The following KMO variants were observed in gnomAD, a reference collection of about 807,000 sequenced individuals.
The protein encoded by KMO is kynurenine 3-hydroxylase.
A neutral mutation model predicts 57.8 loss-of-function variants in KMO; 24 were observed. The ratio of observed to expected loss-of-function variants is 0.42; its 90% confidence interval spans 0.30 to 0.58. The LOEUF (loss-of-function observed/expected upper bound fraction) is 0.58. KMO is among the 20% of genes least tolerant of loss of function. The pLI is 0.22. For synonymous variants in KMO, 210 were observed against 193.6 expected, an observed-to-expected ratio of 1.08 and a Z score of -0.70; for missense variants, 483 against 588.2, an observed-to-expected ratio of 0.82 and a Z score of 1.85.
chr1:241,547,459 C>A (rs1369765022), intron 1 of KMO, among the ~76,000 whole-genome samples: 1 of 151,436 alleles, frequency 6.6e-6, no homozygotes, highest in Admixed American at 6.6e-5. Context: ...GATAGGCAAC[C>A]CAATAGAAAA....
chr1:241,575,279 CTTTG>C (rs1323608074), intron 10 of KMO, among the ~76,000 whole-genome samples: 1 of 151,914 alleles, frequency 6.6e-6, no homozygotes, highest in East Asian at 1.9e-4. Flanking sequence ...CTCCTCCGAT[CTTTG>C]TTTATTTCTT....
intron 4 of KMO, among the ~76,000 whole-genome samples, chr1:241,553,504 T>A (rs1337701550): frequency 1.3e-5 from 2 of 152,058 alleles, no homozygotes; most frequent in African/African-American, 2.4e-5. Flanking sequence ...CTGGGCAACA[T>A]GGCAAGACCC....
At chr1:241,576,681 T>A (rs1662531281) in intron 10 of KMO, among the ~76,000 whole-genome samples, 1 of 147,094 alleles carries the variant, frequency 6.8e-6, no homozygotes, top group Non-Finnish European at 1.5e-5. Flanking sequence ...CTCTTAGAAT[T>A]ATTTCCTTCA....
chr1:241,533,337 T>G (rs1447918531), intron 1 of KMO, among the ~76,000 whole-genome samples: 1 of 152,194 alleles, frequency 6.6e-6, no homozygotes, highest in Admixed American at 6.5e-5. Flanking sequence ...ATATATCCAC[T>G]CAACAAAAAA....
Position 241,587,907 on chromosome 1 carries a change from G to C in KMO, c.1016-841G>C, listed in dbSNP as rs532096383. ...TTGTATATTACATATATAAAAGAAG[G>C]CACAAACAACAGCCTAAGAACTGGA... On this transcript the variant is annotated intron_variant, in intron 11 of 14. Coordinates refer to ENST00000366559, the MANE Select transcript of KMO (RefSeq NM_003679.5). Among the ~76,000 whole-genome samples, 9 of 152,204 alleles carry C rather than the reference G, an allele frequency of 5.9e-5. No individual in the cohort carries two copies. In the South Asian group the frequency reaches 8.3e-4, roughly 14 times the overall value.
intron 3 of KMO, 185 bp downstream of exon 3, chr1:241,549,959 C>T: frequency 1.9e-6 from 1 of 527,998 alleles, no homozygotes; most frequent in Non-Finnish European, 3.4e-6. Flanking sequence ...CTCGAGGCAC[C>T]CGAGGAGGAC....
intron 10 of KMO, among the ~76,000 whole-genome samples, chr1:241,575,119 A>G (rs1372270453): frequency 2.0e-5 from 3 of 151,898 alleles, no homozygotes; most frequent in Non-Finnish European, 1.5e-5. Flanking sequence ...TAATGTCTCC[A>G]GTTTCATTTC....
rs532768111 is a variant in KMO at position 241,563,544 on chromosome 1, G to A, written c.615+1212G>A. 2.3e-4 allele frequency among the ~76,000 whole-genome samples: 35 copies of A among 152,150 alleles called. No individual in the cohort carries two copies. The South Asian group carries it at 7.1e-3, about 31-fold the overall frequency. On this transcript the variant is annotated intron_variant, in intron 7 of 14. Transcript: ENST00000366559. ...ATTCGCTAATTTTTTAGTGCTTATTGTACTGGTTTTCAGATAGCTTCTGCT... is the reference window on the plus strand; with the variant it reads ...ATTCGCTAATTTTTTAGTGCTTATTATACTGGTTTTCAGATAGCTTCTGCT...
rs894942359 is a variant in KMO at position 241,562,271 on chromosome 1, A to T, written c.554A>T (p.Tyr185Phe). ...CTGATGAAGAAACCTCGCTTTGATT[A>T]CAGTCAGCAGTACATTCCTCATGGG... ...SHLMKKPRFD[Y>F]SQQYIPHGYM... Residue 185 changes from tyrosine (Y) to phenylalanine (F), a missense_variant, in exon 7 of 15, where the codon TAC (tyrosine) becomes TTC (phenylalanine). Transcript: ENST00000366559. The T allele has an allele frequency of 6.2e-7, 1 of 1,614,098 alleles. No individual in the cohort carries two copies. Among genetic ancestry groups the T allele is most frequent in the Non-Finnish European group, 8.5e-7 (1 of 1,180,028 alleles).
At chr1:241,579,550 C>G (rs950210879) in intron 10 of KMO, among the ~76,000 whole-genome samples, 4 of 152,058 alleles carry the variant, frequency 2.6e-5, no homozygotes, top group African/African-American at 9.7e-5. Flanking sequence ...GTAAGCTCCA[C>G]CCAGCTTCCA....
At chr1:241,575,108 G>T (rs916240562) in intron 10 of KMO, among the ~76,000 whole-genome samples, 2 of 151,842 alleles carry the variant, frequency 1.3e-5, no homozygotes, top group Non-Finnish European at 2.9e-5. Flanking sequence ...GGTGTCCATT[G>T]TAATGTCTCC....
intron 6 of KMO, 89 bp downstream of exon 6, chr1:241,560,841 A>G: frequency 2.4e-6 from 2 of 850,174 alleles, no homozygotes; most frequent in Non-Finnish European, 4.0e-6. Context: ...CTCTTTTGAA[A>G]GAGTTAAAAG....
At chr1:241,549,276 A>AAGTCG (rs1661300993) in intron 2 of KMO, among the ~76,000 whole-genome samples, 1 of 122,266 alleles carries the variant, frequency 8.2e-6, no homozygotes, top group Non-Finnish European at 1.8e-5. Context: ...AAAGGAAGGA[A>AAGTCG]GAAAGAAAGA....
At chr1:241,579,307 G>T (rs1036541877) in intron 10 of KMO, among the ~76,000 whole-genome samples, 1 of 152,034 alleles carries the variant, frequency 6.6e-6, no homozygotes, top group Non-Finnish European at 1.5e-5. Flanking sequence ...TTTCTTACGT[G>T]ATGGGCAGGG....
chr1:241,592,029 C>T lies in KMO; in HGVS notation c.1337C>T (p.Ser446Leu). ...ACCTACCTACTTATACACTACATGT[C>T]ACCACGATCTTTCCTCCGCTTGAGA... ...SSTYLLIHYMSPRSFLRLRRP... is the reference protein window; with the variant it reads ...SSTYLLIHYMLPRSFLRLRRP... The change falls in exon 15 of 15, where the codon TCA becomes TTA. Residue 446 changes from serine to leucine, a missense_variant. By Grantham distance (145) the Ser-to-Leu change is moderately radical. Around this residue, in one of 3 missense-constraint regions of KMO, gnomAD observed 410 missense variants for 492.3 expected, o/e 0.83. Coordinates refer to ENST00000366559, the MANE Select transcript of KMO (RefSeq NM_003679.5). The T allele has an allele frequency of 6.2e-7, 1 of 1,613,934 alleles. No homozygotes were observed. The highest frequency in any genetic ancestry group is 1.1e-5 in the South Asian group (1 of 91,074).
chr1:241,533,741 T>G (rs1660659829), intron 1 of KMO, among the ~76,000 whole-genome samples: 1 of 152,110 alleles, frequency 6.6e-6, no homozygotes, highest in Non-Finnish European at 1.5e-5. Context: ...ATAAGACAAT[T>G]TCAGTTAAAG....
At chr1:241,558,530 G>C (rs781148785) in intron 5 of KMO, among the ~76,000 whole-genome samples, 37 of 152,134 alleles carry the variant, frequency 2.4e-4, no homozygotes, top group Non-Finnish European at 2.9e-4. Flanking sequence ...ATTGTTTCAC[G>C]GTTCATCTGC....
At chr1:241,571,542 T>A (rs1662279184) in intron 10 of KMO, among the ~76,000 whole-genome samples, 1 of 152,164 alleles carries the variant, frequency 6.6e-6, no homozygotes, top group South Asian at 2.1e-4. Flanking sequence ...ATTGAAATGA[T>A]CATATGGTTT....
At chr1:241,566,399 C>A (rs2147965259) in intron 8 of KMO, 92 bp from the exon 9 acceptor site, 1 of 842,704 alleles carries the variant, frequency 1.2e-6, no homozygotes, top group Non-Finnish European at 1.7e-6. Context: ...GCTCCCTGGT[C>A]ACAGCAAGAA....
Sources: gnomAD v4.1 joint callset for allele counts (sites outside exome capture counted in the v4.1 genomes callset) on GRCh38, gnomAD v4.1.1 for gene constraint, gnomAD v4.1.1 regional missense constraint, MANE v1.5 for transcripts, NCBI Gene and HGNC (gene_info 2026-07-23, HGNC 2026-07-21) for gene names.